Variants in BRD1 observed in about 807,000 individuals in gnomAD.
BRD1 encodes the protein bromodomain containing 1, also known as bromodomain-containing protein 1.
A neutral mutation model predicts 107.7 loss-of-function variants in BRD1; 24 were observed. The observed-to-expected ratio is 0.22, with a 90% CI of 0.16 to 0.31. BRD1 has a LOEUF of 0.31. BRD1 is among the 10% of genes least tolerant of loss of function. The pLI is 1.00. For missense variants in BRD1, 1,279 were observed against 1,638.6 expected, an observed-to-expected ratio of 0.78 and a Z score of 3.79; for synonymous variants, 744 against 686.1, an observed-to-expected ratio of 1.08 and a Z score of -1.32.
intron 7 of BRD1, among the ~76,000 whole-genome samples, chr22:49,789,183 G>A (rs1445130818): frequency 6.6e-6 from 1 of 152,232 alleles, no homozygotes; most frequent in African/African-American, 2.4e-5. Flanking sequence ...GAGCACAGCT[G>A]TCATGTGGGA....
At chr22:49,810,247 G>A (rs1051821916) in intron 2 of BRD1, among the ~76,000 whole-genome samples, 1 of 152,098 alleles carries the variant, frequency 6.6e-6, no homozygotes, top group Non-Finnish European at 1.5e-5. Flanking sequence ...GGCCAGACGC[G>A]GTGACTCACA....
At position 49,787,302 on chromosome 22, in the gene BRD1, C is replaced by T. The variant is rs532084776; in HGVS notation, c.2857+88G>A. ...GCTGCAAAAACAGAAGCTGGACACC[C>T]CCCCCCCCCCGTCACACCAATGATC... is the stretch of plus-strand genomic sequence containing the variant. On this transcript the variant is annotated intron_variant, in intron 8 of 12. Coordinates refer to ENST00000404760, the MANE Select transcript of BRD1 (RefSeq NM_001304808.3). The T allele has an allele frequency of 6.9e-5, 52 of 751,080 alleles. 3 individuals carry two copies. The East Asian group carries it at 1.9e-3, about 28-fold the overall frequency. 46.5% of individuals were successfully genotyped at this position (751,080 alleles called of 1,614,324 possible). A position where few individuals can be genotyped will look rare whatever the true frequency, so the allele number is the denominator to read the frequency against.
intron 8 of BRD1, among the ~76,000 whole-genome samples, chr22:49,784,345 C>T (rs960462393): frequency 1.3e-5 from 2 of 152,032 alleles, no homozygotes; most frequent in Non-Finnish European, 2.9e-5. Context: ...CCAGCACGTG[C>T]ACACAGAGAC....
chr22:49,784,451 C>T (rs183708909), intron 8 of BRD1, among the ~76,000 whole-genome samples: 29 of 152,366 alleles, frequency 1.9e-4, no homozygotes, highest in African/African-American at 5.8e-4. Flanking sequence ...AAGGAAGCCA[C>T]GAGTCAGGGC....
intron 7 of BRD1, among the ~76,000 whole-genome samples, chr22:49,790,778 G>A (rs757150514): frequency 4.6e-5 from 7 of 152,140 alleles, no homozygotes; most frequent in Non-Finnish European, 7.3e-5. Context: ...ACAAAGCTGC[G>A]TACTCCGCAC....
chr22:49,793,378 G>A (rs766853043), intron 7 of BRD1, among the ~76,000 whole-genome samples: 7 of 152,096 alleles, frequency 4.6e-5, no homozygotes, highest in Admixed American at 2.0e-4. Flanking sequence ...CTAGATAGGC[G>A]GATTTCTTCT....
At chr22:49,816,292 A>G (rs1170176975) in intron 2 of BRD1, among the ~76,000 whole-genome samples, 1 of 152,088 alleles carries the variant, frequency 6.6e-6, no homozygotes, top group Non-Finnish European at 1.5e-5. Flanking sequence ...GCAGTGACCT[A>G]GGATTGCGCC....
At chr22:49,805,188 T>C (rs1310884111) in intron 2 of BRD1, among the ~76,000 whole-genome samples, 5 of 152,176 alleles carry the variant, frequency 3.3e-5, no homozygotes, top group Non-Finnish European at 4.4e-5. Context: ...TCCCAAGAAA[T>C]GCAAAGTGCT....
intron 8 of BRD1, among the ~76,000 whole-genome samples, chr22:49,784,321 C>T (rs1164697616): frequency 6.6e-6 from 1 of 151,290 alleles, no homozygotes; most frequent in African/African-American, 2.4e-5. Context: ...GACACCCCCA[C>T]GCTCTCACAC....
At chr22:49,809,086 T>TCCACTGC (rs2059800706) in intron 2 of BRD1, among the ~76,000 whole-genome samples, 1 of 151,624 alleles carries the variant, frequency 6.6e-6, no homozygotes, top group African/African-American at 2.4e-5. Flanking sequence ...ACCACTGCAC[T>TCCACTGC]CCAGCCTGGG....
In BRD1 at chr22:49,803,938, C is replaced by T. The variant is rs112136825; in HGVS notation, c.1524+266G>A. 1.6e-3 allele frequency among the ~76,000 whole-genome samples: 250 copies of T among 152,338 alleles called. 1 individual carries two copies. The highest frequency in any genetic ancestry group is 5.5e-3 in the African/African-American group (228 of 41,580). ...TGGCCACTGCCCATCAGCGTGTGTG[C>T]GGGCAGGGCAGGGCGGGGGAGCGCA... is the stretch of plus-strand genomic sequence containing the variant. On this transcript the variant is annotated intron_variant, in intron 3 of 12. Coordinates refer to ENST00000404760, the MANE Select transcript of BRD1 (RefSeq NM_001304808.3). This position sits in a 1 kb window ranked among gnomAD's most constrained non-coding sequence, Gnocchi z 4.4.
At chr22:49,822,629 G>A (rs2060088075) in intron 2 of BRD1, among the ~76,000 whole-genome samples, 1 of 151,886 alleles carries the variant, frequency 6.6e-6, no homozygotes, top group South Asian at 2.1e-4. Flanking sequence ...AGAATTGCTT[G>A]AACCCAGGAG....
At chr22:49,778,605 G>A (rs1191170361) in intron 8 of BRD1, among the ~76,000 whole-genome samples, 3 of 152,228 alleles carry the variant, frequency 2.0e-5, no homozygotes, top group Non-Finnish European at 1.5e-5. Context: ...GAGTCACAAC[G>A]GGGGGATGAT....
intron 3 of BRD1, among the ~76,000 whole-genome samples, chr22:49,801,697 T>C (rs2059644265): frequency 2.0e-5 from 3 of 152,210 alleles, no homozygotes; most frequent in Admixed American, 1.3e-4. Flanking sequence ...TGTGGGGATG[T>C]TCTCTCCTTA....
intron 8 of BRD1, among the ~76,000 whole-genome samples, chr22:49,779,261 C>T (rs546285758): frequency 6.6e-6 from 1 of 152,270 alleles, no homozygotes; most frequent in East Asian, 1.9e-4. Flanking sequence ...CCGCTTCGTA[C>T]GCTTCCCGTC....
Position 49,798,724 on chromosome 22 carries a change from G to A in BRD1, c.1657-38C>T, listed in dbSNP as rs746954206. 4.5e-5 allele frequency: 69 copies of A among 1,533,720 alleles called. No homozygotes were observed. In the South Asian group the frequency reaches 4.8e-4, roughly 11 times the overall value. ...AGCAGAGCCTCAGCTTTAGGGAGCC[G>A]CACATGCGTCTCAGCCCCACCACGC... On this transcript the variant is annotated intron_variant, in intron 4 of 12. Transcript: ENST00000404760.
Position 49,823,956 on chromosome 22 carries a change from T to C in BRD1, c.362A>G (p.Lys121Arg), listed in dbSNP as rs942900754. The C allele has an allele frequency of 6.2e-7, 1 of 1,614,120 alleles. No homozygotes were observed. The highest frequency in any genetic ancestry group is 8.5e-7 in the Non-Finnish European group (1 of 1,180,016). Reference protein sequence around the residue: ...PASASALPEPKVRIVEYSPPS... With the variant: ...PASASALPEPRVRIVEYSPPS... ...AGGGCTGTACTCCACGATGCGCACCTTGGGCTCCGGGAGGGCACTGGCCGA... is the reference window on the plus strand; with the variant it reads ...AGGGCTGTACTCCACGATGCGCACCCTGGGCTCCGGGAGGGCACTGGCCGA... The change falls in exon 2 of 13, where the codon AAG becomes AGG. Residue 121 changes from lysine to arginine, a missense_variant. This residue lies in a region of BRD1 where 223 missense variants were observed against 263.5 expected (regional missense o/e 0.85). Coordinates refer to ENST00000404760, the MANE Select transcript of BRD1 (RefSeq NM_001304808.3).
At chr22:49,775,831 C>CGCAGCTGTGTGAGCCTCCTCAGAT (rs2059079939) in intron 11 of BRD1, 86 bp from the exon 12 acceptor site, 1 of 960,910 alleles carries the variant, frequency 1.0e-6, no homozygotes, top group Non-Finnish European at 1.4e-6. Flanking sequence ...CCCCGCCTCC[C>CGCAGCTGTGTGAGCCTCCTCAGAT]CACCCCAGCT....
At chr22:49,819,017 G>C (rs1374099078) in intron 2 of BRD1, among the ~76,000 whole-genome samples, 1 of 151,904 alleles carries the variant, frequency 6.6e-6, no homozygotes, top group Non-Finnish European at 1.5e-5. Flanking sequence ...CAGCACTCTG[G>C]GAGGCCAAGG....
Sources: gnomAD v4.1 joint callset for allele counts (sites outside exome capture counted in the v4.1 genomes callset) on GRCh38, gnomAD v4.1.1 for gene constraint, gnomAD v4.1.1 regional missense constraint, Gnocchi (gnomAD v3.1) non-coding constraint, MANE v1.5 for transcripts, NCBI Gene and HGNC (gene_info 2026-07-23, HGNC 2026-07-21) for gene names.